The following GUCA1C variants were observed in gnomAD, a reference collection of about 807,000 sequenced individuals.
The protein encoded by GUCA1C is guanylyl cyclase-activating protein 3.
A neutral mutation model predicts 16.2 loss-of-function variants in GUCA1C; 15 were observed. That is an observed-to-expected ratio of 0.93 (90% CI 0.62 to 1.43). The LOEUF (loss-of-function observed/expected upper bound fraction) is 1.43, where lower values mean the gene tolerates loss of function less well. GUCA1C is among the 40% of genes most tolerant of loss of function. The pLI is 0.00. For missense variants in GUCA1C, 275 were observed against 244.8 expected (o/e 1.12, Z -0.82); for synonymous variants, 78 against 85.4 (o/e 0.91, Z 0.48).
rs78128697 is a variant in GUCA1C, at chr3:108,923,787, G to T, written c.205-3202C>A. Among the ~76,000 whole-genome samples the T allele has an allele frequency of 2.0e-4, 30 of 152,244 alleles. No individual in the cohort carries two copies. In the East Asian group the frequency reaches 5.8e-3, roughly 29 times the overall value. On this transcript the variant is annotated intron_variant, in intron 1 of 3. Coordinates refer to ENST00000261047, the MANE Select transcript of GUCA1C (RefSeq NM_005459.4). ...ATTGATTCTACTCATCCATGAGCAT[G>T]GGGTGTGTTTTCATTTGTTTGTGTC...
chr3:108,939,775 G>A (rs1157872078), intron 1 of GUCA1C, among the ~76,000 whole-genome samples: 2 of 152,032 alleles, frequency 1.3e-5, no homozygotes, highest in African/African-American at 4.8e-5. Context: ...CACTTAGACT[G>A]CGGTCTCTCT....
intron 3 of GUCA1C, among the ~76,000 whole-genome samples, chr3:108,914,469 G>A (rs1412742789): frequency 3.9e-5 from 6 of 152,112 alleles, no homozygotes; most frequent in Non-Finnish European, 7.3e-5. Flanking sequence ...CAAAATCTTC[G>A]TACTTCTCCG....
intron 1 of GUCA1C, among the ~76,000 whole-genome samples, chr3:108,948,435 C>A (rs1317213623): frequency 6.6e-6 from 1 of 152,162 alleles, no homozygotes; most frequent in African/African-American, 2.4e-5. Context: ...GCCAATTAAA[C>A]CTCTTTTCTT....
Position 108,916,140 on chromosome 3 carries a change from A to T in GUCA1C, c.429T>A (p.Asp143Glu). The T allele has an allele frequency of 6.2e-7, 1 of 1,613,052 alleles. No individual in the cohort carries two copies. The highest frequency in any genetic ancestry group is 1.1e-5 in the South Asian group (1 of 91,048). ...TAGCTCCATTACCATCATTGTTTAT[A>T]TCGATCTTATGGAACACCAAGTTGA... ...EFINLVFHKIDINNDGELTLE... is the reference protein window; with the variant it reads ...EFINLVFHKIEINNDGELTLE... The change falls in exon 3 of 4, where the codon GAT becomes GAA. Residue 143 changes from aspartate to glutamate, a missense_variant. By Grantham distance (45) the Asp-to-Glu change is conservative. Coordinates refer to ENST00000261047, the MANE Select transcript of GUCA1C (RefSeq NM_005459.4).
intron 1 of GUCA1C, among the ~76,000 whole-genome samples, chr3:108,930,406 C>T (rs1362900558): frequency 6.6e-6 from 1 of 152,122 alleles, no homozygotes; most frequent in Admixed American, 6.5e-5. Flanking sequence ...GAGAAACAAC[C>T]AATAGTTCTG....
chr3:108,924,212 A>C (rs925376175), intron 1 of GUCA1C, among the ~76,000 whole-genome samples: 2 of 152,062 alleles, frequency 1.3e-5, no homozygotes, highest in African/African-American at 4.8e-5. Flanking sequence ...GAAAGTGGGC[A>C]TCTTGTCTTA....
chr3:108,922,618 T>C (rs1330594547), intron 1 of GUCA1C, among the ~76,000 whole-genome samples: 1 of 152,204 alleles, frequency 6.6e-6, no homozygotes, highest in Non-Finnish European at 1.5e-5. Context: ...TCCATATGCT[T>C]GTTGGCCATG....
At chr3:108,910,876 T>C (rs955789205) in intron 3 of GUCA1C, among the ~76,000 whole-genome samples, 3 of 152,036 alleles carry the variant, frequency 2.0e-5, no homozygotes, top group Non-Finnish European at 4.4e-5. Flanking sequence ...GGTCTCGATC[T>C]CCTGACCTCG....
rs144965947 is a variant in GUCA1C at position 108,927,855 on chromosome 3, G to A, written c.205-7270C>T. On this transcript the variant is annotated intron_variant, in intron 1 of 3. Coordinates refer to ENST00000261047, the MANE Select transcript of GUCA1C (RefSeq NM_005459.4). ...TCATTTGGGTAGACTATAACAGAGGGAAGAACTGAGATTCAAGGCTGCTGT... is the reference window on the plus strand; with the variant it reads ...TCATTTGGGTAGACTATAACAGAGGAAAGAACTGAGATTCAAGGCTGCTGT... 9.3e-3 allele frequency among the ~76,000 whole-genome samples: 1,416 copies of A among 152,298 alleles called. 13 individuals are homozygous for A. Among genetic ancestry groups the A allele is most frequent in the Non-Finnish European group, 0.014 (926 of 68,024 alleles).
In GUCA1C at chr3:108,908,042, C is replaced by T. The variant is rs966485382; in HGVS notation, c.610G>A (p.Gly204Arg). The T allele has an allele frequency of 3.1e-6, 5 of 1,613,608 alleles. No homozygotes were observed. Among genetic ancestry groups the T allele is most frequent in the Non-Finnish European group, 4.2e-6 (5 of 1,179,726 alleles). ...SSKSPDKAGL[G>R]KVKMK is the part of the protein sequence containing the mutation. ...CACAGCTACTTCATTTTCACCTTCC[C>T]TAGACCAGCCTTGTCAGGAGATTTG... The change falls in exon 4 of 4, where the codon GGG becomes AGG. Residue 204 changes from glycine to arginine, a missense_variant. Transcript: ENST00000261047.
intron 1 of GUCA1C, among the ~76,000 whole-genome samples, chr3:108,934,376 C>G (rs187738862): frequency 1.3e-5 from 2 of 151,930 alleles, no homozygotes; most frequent in African/African-American, 4.8e-5. Flanking sequence ...TAGATCCCGC[C>G]GAGGCTGCAG....
chr3:108,942,133 G>A (rs1946792294), intron 1 of GUCA1C, among the ~76,000 whole-genome samples: 1 of 152,170 alleles, frequency 6.6e-6, no homozygotes, highest in Non-Finnish European at 1.5e-5. Flanking sequence ...CTGTGCCTCA[G>A]GTTCCTCATG....
At chr3:108,945,133 G>A (rs924521247) in intron 1 of GUCA1C, among the ~76,000 whole-genome samples, 1 of 152,330 alleles carries the variant, frequency 6.6e-6, no homozygotes, top group South Asian at 2.1e-4. Context: ...CGAGAATTGG[G>A]TGTTTTGTAT....
Position 108,924,026 on chromosome 3 carries a change from T to G in GUCA1C, c.205-3441A>C, listed in dbSNP as rs141459707. On this transcript the variant is annotated intron_variant, in intron 1 of 3. Coordinates refer to ENST00000261047, the MANE Select transcript of GUCA1C (RefSeq NM_005459.4). Reference sequence around the variant, plus strand: ...TATCCTTAACTTTTGCTGAATTCATTTATCAGTTCTAGGGGCTTTTTGGAG... The same window carrying G: ...TATCCTTAACTTTTGCTGAATTCATGTATCAGTTCTAGGGGCTTTTTGGAG... Among the ~76,000 whole-genome samples the G allele has an allele frequency of 4.8e-3, 736 of 152,272 alleles. 13 individuals carry two copies. The highest frequency in any genetic ancestry group is 0.017 in the African/African-American group (707 of 41,562).
intron 1 of GUCA1C, among the ~76,000 whole-genome samples, chr3:108,932,582 T>G (rs1407860850): frequency 1.3e-5 from 2 of 152,058 alleles, no homozygotes; most frequent in East Asian, 3.9e-4. Context: ...ATTTGAAAAA[T>G]TATGACCCAT....
In GUCA1C at chr3:108,935,213, G is replaced by C. The variant is rs376558691; in HGVS notation, c.205-14628C>G. On this transcript the variant is annotated intron_variant, in intron 1 of 3. Transcript: ENST00000261047. ...TACTGGTTGGGGAAGGAGAGGAAGG[G>C]AGCAGGTGTTGAAAAACTACCTATT... Among the ~76,000 whole-genome samples the C allele has an allele frequency of 2.3e-4, 35 of 152,122 alleles. No individual in the cohort carries two copies. The South Asian group carries it at 7.3e-3, about 32-fold the overall frequency.
chr3:108,944,824 A>G (rs983882344), intron 1 of GUCA1C, among the ~76,000 whole-genome samples: 16 of 152,146 alleles, frequency 1.1e-4, no homozygotes, highest in Non-Finnish European at 1.8e-4. Flanking sequence ...GAAATGTGGG[A>G]TTTGAGGGGG....
chr3:108,937,944 G>A (rs1576553869), intron 1 of GUCA1C, among the ~76,000 whole-genome samples: 1 of 152,034 alleles, frequency 6.6e-6, no homozygotes, highest in Non-Finnish European at 1.5e-5. Flanking sequence ...GGTGGCAGGC[G>A]CCTGCAATTC....
chr3:108,909,823 C>A (rs1255181712), intron 3 of GUCA1C, among the ~76,000 whole-genome samples: 1 of 152,056 alleles, frequency 6.6e-6, no homozygotes, highest in Admixed American at 6.5e-5. Flanking sequence ...AAAAAAAAAT[C>A]TCTGTTCCAA....
Sources: gnomAD v4.1 joint callset for allele counts (sites outside exome capture counted in the v4.1 genomes callset) on GRCh38, gnomAD v4.1.1 for gene constraint, MANE v1.5 for transcripts, NCBI Gene and HGNC (gene_info 2026-07-23, HGNC 2026-07-21) for gene names.